The following SYT9 variants were observed in gnomAD, a reference collection of about 807,000 sequenced individuals.
SYT9 encodes synaptotagmin 9.
Under a neutral mutation model 48.4 loss-of-function variants are expected in SYT9, and 22 were observed. The observed-to-expected ratio is 0.45, with a 90% CI of 0.32 to 0.65. The LOEUF (loss-of-function observed/expected upper bound fraction) is 0.65, where lower values mean the gene tolerates loss of function less well. SYT9 is among the 30% of genes least tolerant of loss of function. The probability of loss-of-function intolerance (pLI) is 0.03; values close to 1 mark genes in which losing one functional copy is unlikely to be tolerated. For synonymous variants in SYT9, 265 were observed against 245.0 expected, an observed-to-expected ratio of 1.08 and a Z score of -0.76; for missense variants, 577 against 622.0, an observed-to-expected ratio of 0.93 and a Z score of 0.77.
Position 7,453,031 on chromosome 11 carries a change from C to T in SYT9, c.1468-13761C>T, listed in dbSNP as rs1590041409. Among the ~76,000 whole-genome samples, 7 of 152,130 alleles carry T rather than the reference C, an allele frequency of 4.6e-5. 1 individual carries two copies. Among genetic ancestry groups the T allele is most frequent in the Admixed American group, 4.6e-4 (7 of 15,306 alleles). On this transcript the variant is annotated intron_variant, in intron 6 of 6. Coordinates refer to ENST00000318881, the MANE Select transcript of SYT9 (RefSeq NM_175733.4). The stretch of plus-strand genomic sequence containing the variant: ...TCCCGACCTGAGATGATCCCCCTGC[C>T]TCGGCCTCCCAAAGTGCTGGGATTA...
At chr11:7,319,325 A>G (rs996631999) in intron 3 of SYT9, among the ~76,000 whole-genome samples, 10 of 146,188 alleles carry the variant, frequency 6.8e-5, no homozygotes, top group African/African-American at 2.0e-4. Context: ...TTTTGCTTTT[A>G]TTCTTAAAAG....
chr11:7,256,020 CTT>C (rs1847962686), intron 1 of SYT9, among the ~76,000 whole-genome samples: 1 of 152,064 alleles, frequency 6.6e-6, no homozygotes, highest in Non-Finnish European at 1.5e-5. Context: ...CTTGATTATA[CTT>C]TTTTTGGTCA....
rs117692826 is a variant in SYT9, at chr11:7,271,250, A to G, written c.145+18919A>G. 1.2e-4 allele frequency among the ~76,000 whole-genome samples: 18 copies of G among 152,278 alleles called. No individual in the cohort carries two copies. In the East Asian group the frequency reaches 3.3e-3, roughly 28 times the overall value. On this transcript the variant is annotated intron_variant, in intron 1 of 6. Coordinates refer to ENST00000318881, the MANE Select transcript of SYT9 (RefSeq NM_175733.4). ...GGTAGCATTTTTCTTTCATCCTGAT[A>G]GGTGCCTAACCTGAGGACCATATCT...
intron 1 of SYT9, among the ~76,000 whole-genome samples, chr11:7,289,284 G>A (rs932331426): frequency 1.3e-5 from 2 of 152,164 alleles, no homozygotes; most frequent in African/African-American, 4.8e-5. Flanking sequence ...GTTTATCATA[G>A]AAACAGAAAA....
In SYT9 at chr11:7,416,746, G is replaced by A. The variant is rs78684685; in HGVS notation, c.1165+584G>A. ...TGAGCATCCTTGGATTTTCCTATCT[G>A]TGAAGGGTCCTGAAACCAATTCCTT... On this transcript the variant is annotated intron_variant, in intron 4 of 6. Transcript: ENST00000318881. Among the ~76,000 whole-genome samples the A allele has an allele frequency of 7.1e-3, 1,077 of 152,266 alleles. 14 individuals are homozygous for A. Among genetic ancestry groups the A allele is most frequent in the African/African-American group, 0.025 (1,021 of 41,558 alleles).
intron 6 of SYT9, among the ~76,000 whole-genome samples, chr11:7,456,326 AGT>A (rs1848149504): frequency 6.6e-6 from 1 of 152,246 alleles, no homozygotes; most frequent in South Asian, 2.1e-4. Context: ...GGGGCTGGTC[AGT>A]GTGTAAGTAC....
chr11:7,269,235 A>G (rs1159082109), intron 1 of SYT9, among the ~76,000 whole-genome samples: 3 of 152,044 alleles, frequency 2.0e-5, no homozygotes, highest in African/African-American at 7.2e-5. Context: ...GAAATGGGCT[A>G]TTCAGCAAAT....
chr11:7,414,683 G>A (rs918047434), intron 3 of SYT9, among the ~76,000 whole-genome samples: 3 of 149,452 alleles, frequency 2.0e-5, no homozygotes, highest in Non-Finnish European at 4.4e-5. Flanking sequence ...CACTGGGCAA[G>A]CAATGCATGA....
chr11:7,330,308 A>C (rs1018311544), intron 3 of SYT9, among the ~76,000 whole-genome samples: 13 of 152,264 alleles, frequency 8.5e-5, no homozygotes, highest in Non-Finnish European at 1.6e-4. Flanking sequence ...TCAAAAATCT[A>C]CGTACTGCAT....
chr11:7,422,878 G>A (rs966211378), intron 6 of SYT9, among the ~76,000 whole-genome samples: 1 of 152,290 alleles, frequency 6.6e-6, no homozygotes, highest in Admixed American at 6.5e-5. Flanking sequence ...TCACTGTGGA[G>A]AAAAAGTGTG....
At chr11:7,379,512 G>A (rs1850519412) in intron 3 of SYT9, among the ~76,000 whole-genome samples, 1 of 152,122 alleles carries the variant, frequency 6.6e-6, no homozygotes, top group African/African-American at 2.4e-5. Flanking sequence ...GACTGTGATA[G>A]AGAAGAATAT....
At chr11:7,278,509 G>C (rs1848438232) in intron 1 of SYT9, among the ~76,000 whole-genome samples, 1 of 152,150 alleles carries the variant, frequency 6.6e-6, no homozygotes, top group African/African-American at 2.4e-5. Flanking sequence ...CCTACAGGTG[G>C]ACTTAAGAAG....
upstream of SYT9, among the ~76,000 whole-genome samples, chr11:7,247,630 T>TATATATATAC (rs1564834895): frequency 9.6e-5 from 14 of 145,616 alleles, no homozygotes; most frequent in East Asian, 9.9e-4. Context: ...TATATATACG[T>TATATATATAC]GTATATATAC....
At chr11:7,262,884 A>C (rs1328211388) in intron 1 of SYT9, among the ~76,000 whole-genome samples, 1 of 152,192 alleles carries the variant, frequency 6.6e-6, no homozygotes, top group Non-Finnish European at 1.5e-5. Context: ...TAAATGGCAT[A>C]GTAGTTGCTA....
chr11:7,435,512 A>T (rs1489351362), intron 6 of SYT9: 1 of 152,224 alleles, frequency 6.6e-6, no homozygotes, highest in African/African-American at 2.4e-5. Flanking sequence ...CTTCCTCAGT[A>T]GCAGGAACTA....
At chr11:7,361,245 C>G (rs1310148455) in intron 3 of SYT9, among the ~76,000 whole-genome samples, 3 of 151,730 alleles carry the variant, frequency 2.0e-5, no homozygotes, top group African/African-American at 4.8e-5. Flanking sequence ...TTCATTGCAT[C>G]TTGTGGGTCA....
intron 1 of SYT9, among the ~76,000 whole-genome samples, chr11:7,284,983 C>T (rs1848569921): frequency 6.6e-6 from 1 of 152,130 alleles, no homozygotes; most frequent in African/African-American, 2.4e-5. Context: ...TTATTTTTCA[C>T]CCACTCTATC....
intron 6 of SYT9, among the ~76,000 whole-genome samples, chr11:7,455,022 G>A (rs1011546147): frequency 6.6e-6 from 1 of 152,186 alleles, no homozygotes; most frequent in Non-Finnish European, 1.5e-5. Context: ...GGTTTTATTT[G>A]TTTTGACATT....
At chr11:7,274,364 C>G (rs1848349379) in intron 1 of SYT9, among the ~76,000 whole-genome samples, 1 of 141,788 alleles carries the variant, frequency 7.1e-6, no homozygotes, top group African/African-American at 2.7e-5. Context: ...GTTGCCTAGG[C>G]TGCAGTGCAG....
Sources: allele counts gnomAD v4.1 joint callset (sites outside exome capture counted in the v4.1 genomes callset), GRCh38; gene constraint gnomAD v4.1.1; transcripts MANE v1.5; gene names NCBI Gene and HGNC (gene_info 2026-07-23, HGNC 2026-07-21).